PADI3: variants seen among roughly 807,000 people sequenced by gnomAD.
The protein encoded by PADI3 is peptidyl arginine deiminase 3.
Under a neutral mutation model 71.5 loss-of-function variants are expected in PADI3, and 53 were observed. The ratio of observed to expected loss-of-function variants is 0.74; its 90% confidence interval spans 0.59 to 0.93. The LOEUF is 0.93. PADI3 is among the 40% of genes least tolerant of loss of function. The probability of loss-of-function intolerance (pLI) is 0.00; values close to 1 mark genes in which losing one functional copy is unlikely to be tolerated. For synonymous variants in PADI3, 361 were observed against 347.5 expected, an observed-to-expected ratio of 1.04 and a Z score of -0.43; for missense variants, 821 against 868.0, an observed-to-expected ratio of 0.95 and a Z score of 0.68.
At chr1:17,250,260 C>T (rs1302525918) in intron 1 of PADI3, among the ~76,000 whole-genome samples, 2 of 152,156 alleles carry the variant, frequency 1.3e-5, no homozygotes, top group Non-Finnish European at 2.9e-5. Flanking sequence ...TTCTCAACCT[C>T]AGCACTGCTG....
Position 17,265,643 on chromosome 1 carries a change from C to T in PADI3, c.347-16C>T, listed in dbSNP as rs747474039. The T allele has an allele frequency of 9.9e-6, 16 of 1,613,542 alleles. No homozygotes were observed. The Admixed American group carries it at 2.7e-4, about 27-fold the overall frequency. ...TGGGAACCTTGTAGTGACTTACCCTCTGCCTCCTCTTGCAGACATCTCTCT... is the reference window on the plus strand; with the variant it reads ...TGGGAACCTTGTAGTGACTTACCCTTTGCCTCCTCTTGCAGACATCTCTCT... On this transcript the variant is annotated splice_polypyrimidine_tract_variant and intron_variant, in intron 3 of 15. Coordinates refer to ENST00000375460, the MANE Select transcript of PADI3 (RefSeq NM_016233.2).
intron 4 of PADI3, 70 bp from the exon 5 acceptor site, chr1:17,266,649 C>T (rs2272628): frequency 5.0e-5 from 66 of 1,318,980 alleles, no homozygotes; most frequent in Middle Eastern, 3.6e-4. Flanking sequence ...AGGCCAGGCT[C>T]GGGTTCCTGG....
chr1:17,283,349 G>C lies in PADI3; in HGVS notation c.*270G>C. ...CTCCTGTGATTCAACACAACCCATG[G>C]AGATGTCCCCTTCTCACTCTGAAAT... is the stretch of plus-strand genomic sequence containing the variant. On this transcript the variant is annotated 3_prime_UTR_variant, in exon 16 of 16. Transcript: ENST00000375460. 1 of 426,646 alleles carries C rather than the reference G, an allele frequency of 2.3e-6. No homozygotes were observed. The allele number at this position is 426,646 out of a possible 1,614,324, so 26.4% of individuals were successfully genotyped here. A position where few individuals can be genotyped will look rare whatever the true frequency, so the allele number is the denominator to read the frequency against.
rs748492768 is a variant in PADI3, at chr1:17,270,258, T to C, written c.678T>C (p.Tyr226=). Residue 226 remains tyrosine, a synonymous_variant, in exon 7 of 16, where the codon TAT becomes TAC. Coordinates refer to ENST00000375460, the MANE Select transcript of PADI3 (RefSeq NM_016233.2). ...ICGPEDVCEA[Y]RHVLGQDKVS... Reference sequence around the variant, plus strand: ...GTCCTGAGGATGTGTGTGAGGCCTATAGGCATGTGCTGGGCCAAGATAAGG... The same window carrying C: ...GTCCTGAGGATGTGTGTGAGGCCTACAGGCATGTGCTGGGCCAAGATAAGG... 5 of 1,613,544 alleles carry C rather than the reference T, an allele frequency of 3.1e-6. No homozygotes were observed. Among genetic ancestry groups the C allele is most frequent in the Middle Eastern group, 1.7e-4 (1 of 6,050 alleles).
chr1:17,254,218 C>A (rs925610668), intron 1 of PADI3, among the ~76,000 whole-genome samples: 8 of 152,162 alleles, frequency 5.3e-5, no homozygotes, highest in African/African-American at 1.7e-4. Context: ...GGGATCCTCG[C>A]TGACTGGGGA....
chr1:17,256,834 A>C (rs2073034264), intron 1 of PADI3, among the ~76,000 whole-genome samples: 1 of 152,036 alleles, frequency 6.6e-6, no homozygotes, highest in Non-Finnish European at 1.5e-5. Context: ...GGAGTTCAAG[A>C]CCAGTCTGGC....
chr1:17,274,825 G>A (rs772917457), intron 11 of PADI3, 39 bp downstream of exon 11: 12 of 1,601,158 alleles, frequency 7.5e-6, no homozygotes, highest in Non-Finnish European at 1.0e-5. Flanking sequence ...TGGGGTGGAG[G>A]CTGAGGGTTG....
rs1457592664 is a variant in PADI3 at position 17,270,400 on chromosome 1, G to A, written c.820G>A (p.Asp274Asn). 8.7e-6 allele frequency: 14 copies of A among 1,612,604 alleles called. No individual in the cohort carries two copies. Among genetic ancestry groups the A allele is most frequent in the African/African-American group, 4.0e-5 (3 of 74,768 alleles). ...LISFHVTLLD[D>N]SNEDFSASPI... ...CTCCTTCCATGTCACTCTGCTGGAC[G>A]ACTCCAACGAGGTAGGGACAGAGGG... Residue 274 changes from aspartate to asparagine, a missense_variant, in exon 7 of 16, where the codon GAC (aspartate) becomes AAC (asparagine). Transcript: ENST00000375460.
At chr1:17,272,408 G>A (rs757176584) in intron 9 of PADI3, among the ~76,000 whole-genome samples, 54 of 152,220 alleles carry the variant, frequency 3.5e-4, no homozygotes, top group Non-Finnish European at 6.9e-4. Flanking sequence ...GGCACGATGG[G>A]CTGGGTTTAG....
intron 3 of PADI3, 41 bp from the exon 4 acceptor site, chr1:17,265,618 T>A (rs1306842122): frequency 6.3e-7 from 1 of 1,594,658 alleles, no homozygotes; most frequent in Non-Finnish European, 8.6e-7. Flanking sequence ...CCTGGGCTCC[T>A]GGGAACCTTG....
At chr1:17,252,593 G>C (rs1407309359) in intron 1 of PADI3, among the ~76,000 whole-genome samples, 1 of 151,970 alleles carries the variant, frequency 6.6e-6, no homozygotes. Context: ...TTGTAGAGAT[G>C]GGGTTTTGCC....
intron 1 of PADI3, among the ~76,000 whole-genome samples, chr1:17,258,350 G>A (rs969381135): frequency 6.6e-6 from 1 of 152,248 alleles, no homozygotes. Flanking sequence ...CAACAGTGGG[G>A]AGAGCAGTGG....
intron 9 of PADI3, 144 bp downstream of exon 9, chr1:17,271,322 C>T: frequency 1.5e-6 from 1 of 679,362 alleles, no homozygotes; most frequent in South Asian, 1.9e-5. Flanking sequence ...GACCTAGAGG[C>T]TTCTCTCCAG....
At chr1:17,256,252 A>G (rs2073025504) in intron 1 of PADI3, among the ~76,000 whole-genome samples, 1 of 152,056 alleles carries the variant, frequency 6.6e-6, no homozygotes, top group Non-Finnish European at 1.5e-5. Flanking sequence ...ATCACACTTG[A>G]GTTTCATGAT....
rs569838002 is a variant in PADI3, at chr1:17,280,173, A to G, written c.1556-177A>G. 3.3e-5 allele frequency among the ~76,000 whole-genome samples: 5 copies of G among 152,320 alleles called. No individual in the cohort carries two copies. In the South Asian group the frequency reaches 1.0e-3, roughly 32 times the overall value. ...ACTCCTTATACCCCAAGATGTGCAC[A>G]GTGGCCAAGGCAAGCTCAGACAGGT... On this transcript the variant is annotated intron_variant, in intron 13 of 15. Coordinates refer to ENST00000375460, the MANE Select transcript of PADI3 (RefSeq NM_016233.2).
intron 2 of PADI3, among the ~76,000 whole-genome samples, chr1:17,260,413 C>G (rs2073088901): frequency 6.6e-6 from 1 of 152,136 alleles, no homozygotes; most frequent in South Asian, 2.1e-4. Context: ...GTGGGATCCA[C>G]TCCATGTCAG....
intron 15 of PADI3, among the ~76,000 whole-genome samples, 190 bp from the exon 16 acceptor site, chr1:17,282,656 G>A (rs747097320): frequency 6.6e-5 from 10 of 152,330 alleles, no homozygotes; most frequent in South Asian, 2.1e-4. Context: ...TGAGTTCTGC[G>A]GATGCTCCCA....
Position 17,270,342 on chromosome 1 carries a change from G to C in PADI3, c.762G>C (p.Leu254=), listed in dbSNP as rs143095003. ...GDEERFFVEG[L]SFPDAGFTGL... ...AGGAGCGCTTCTTCGTGGAAGGCCTGTCCTTCCCTGATGCCGGCTTCACAG... is the reference window on the plus strand; with the variant it reads ...AGGAGCGCTTCTTCGTGGAAGGCCTCTCCTTCCCTGATGCCGGCTTCACAG... Residue 254 remains leucine (L), a synonymous_variant, in exon 7 of 16, where the codon CTG becomes CTC. Transcript: ENST00000375460. The C allele has an allele frequency of 1.6e-5, 26 of 1,613,870 alleles. No individual in the cohort carries two copies. The African/African-American group carries it at 3.2e-4, about 20-fold the overall frequency.
chr1:17,283,883 A>C lies in PADI3; in HGVS notation c.*804A>C, dbSNP rs1290296902. ...GTTCCCATAATACACATGGTTGACT[A>C]TGGTGATCCACCTTGTGATGGTTAA... On this transcript the variant is annotated 3_prime_UTR_variant, in exon 16 of 16. Coordinates refer to ENST00000375460, the MANE Select transcript of PADI3 (RefSeq NM_016233.2). The C allele has an allele frequency of 6.6e-6, 1 of 152,232 alleles. No individual in the cohort carries two copies. The highest frequency in any genetic ancestry group is 6.5e-5 in the Admixed American group (1 of 15,284). 9.4% of individuals were successfully genotyped at this position (152,232 alleles called of 1,614,324 possible).
Sources: gnomAD v4.1 joint callset for allele counts (sites outside exome capture counted in the v4.1 genomes callset) on GRCh38, gnomAD v4.1.1 for gene constraint, MANE v1.5 for transcripts, NCBI Gene and HGNC (gene_info 2026-07-23, HGNC 2026-07-21) for gene names.